SGCG: variants seen among roughly 807,000 people sequenced by gnomAD.
SGCG encodes gamma-sarcoglycan.
SGCG carries 26 observed loss-of-function variants against 29.3 expected under a neutral mutation model. The ratio of observed to expected loss-of-function variants is 0.89; its 90% CI spans 0.65 to 1.23. SGCG has a LOEUF of 1.23. Among genes scored for constraint, SGCG ranks in the 50% most tolerant of loss-of-function variants. SGCG has a pLI of 0.00. For synonymous variants in SGCG, 145 were observed against 129.7 expected, an observed-to-expected ratio of 1.12 and a Z score of -0.80; for missense variants, 353 against 356.0, an observed-to-expected ratio of 0.99 and a Z score of 0.07.
intron 6 of SGCG, among the ~76,000 whole-genome samples, chr13:23,304,212 C>G (rs1267685814): frequency 6.6e-6 from 1 of 152,034 alleles, no homozygotes; most frequent in Non-Finnish European, 1.5e-5. Context: ...GTACTTTATG[C>G]TGTGCAAACT....
At chr13:23,188,509 G>A (rs1877097752) in intron 1 of SGCG, among the ~76,000 whole-genome samples, 1 of 135,456 alleles carries the variant, frequency 7.4e-6, no homozygotes, top group Non-Finnish European at 1.6e-5. Flanking sequence ...TTTTGGGACA[G>A]GTATTCACCA....
At chr13:23,255,193 A>T (rs1018782754) in intron 4 of SGCG, among the ~76,000 whole-genome samples, 1 of 152,114 alleles carries the variant, frequency 6.6e-6, no homozygotes, top group Non-Finnish European at 1.5e-5. Context: ...CTCAACTCCA[A>T]CCCATGAGAG....
At chr13:23,307,006 A>G (rs1371213669) in intron 6 of SGCG, among the ~76,000 whole-genome samples, 2 of 152,216 alleles carry the variant, frequency 1.3e-5, no homozygotes, top group African/African-American at 4.8e-5. Flanking sequence ...TTCAAGAAGG[A>G]CTTACAAATA....
chr13:23,185,799 C>A (rs1876947692), intron 1 of SGCG, among the ~76,000 whole-genome samples: 1 of 152,190 alleles, frequency 6.6e-6, no homozygotes, highest in Admixed American at 6.5e-5. Flanking sequence ...ATGGGCGAGG[C>A]AGCTTAGTGC....
At chr13:23,173,590 A>T in the SGCG span, among the ~76,000 whole-genome samples, 1 of 152,142 alleles carries the variant, frequency 6.6e-6, no homozygotes, top group African/African-American at 2.4e-5. Flanking sequence ...ACTTTATGTC[A>T]TCTATTATTA....
intron 2 of SGCG, among the ~76,000 whole-genome samples, chr13:23,215,780 T>A (rs1878402454): frequency 6.7e-6 from 1 of 150,302 alleles, no homozygotes; most frequent in Non-Finnish European, 1.5e-5. Flanking sequence ...TAGTAGGTGT[T>A]AATAGAGTAA....
At chr13:23,312,082 T>C (rs1882621289) in intron 6 of SGCG, among the ~76,000 whole-genome samples, 1 of 152,250 alleles carries the variant, frequency 6.6e-6, no homozygotes, top group South Asian at 2.1e-4. Context: ...CTGCGGACTC[T>C]AGCTTCTTCT....
chr13:23,234,529 T>C (rs1879233797), intron 2 of SGCG, 82 bp from the exon 3 acceptor site: 2 of 929,606 alleles, frequency 2.2e-6, no homozygotes, highest in East Asian at 2.4e-5. Flanking sequence ...TGGAAATACA[T>C]GTGTGATTTA....
chr13:23,193,175 AGATAG>A (rs2137483630), intron 1 of SGCG, among the ~76,000 whole-genome samples: 1 of 152,306 alleles, frequency 6.6e-6, no homozygotes, highest in South Asian at 2.1e-4. Context: ...AAAGACTATA[AGATAG>A]GAGAAAGTTT....
chr13:23,186,494 G>A (rs942888127), intron 1 of SGCG, among the ~76,000 whole-genome samples: 2 of 152,168 alleles, frequency 1.3e-5, no homozygotes, highest in African/African-American at 4.8e-5. Flanking sequence ...AGAGCCCATG[G>A]TAATGGGGAT....
chr13:23,257,029 C>T (rs536930136), intron 4 of SGCG, among the ~76,000 whole-genome samples: 1 of 152,310 alleles, frequency 6.6e-6, no homozygotes, highest in East Asian at 1.9e-4. Flanking sequence ...TCCACATCCT[C>T]TCCAGTACCT....
chr13:23,197,297 TG>T (rs1361804537), intron 1 of SGCG, among the ~76,000 whole-genome samples: 1 of 152,204 alleles, frequency 6.6e-6, no homozygotes, highest in Non-Finnish European at 1.5e-5. Context: ...ACTTCTCACG[TG>T]GGTTACCTTG....
chr13:23,238,957 G>C (rs1432892393), intron 3 of SGCG, among the ~76,000 whole-genome samples: 1 of 152,052 alleles, frequency 6.6e-6, no homozygotes, highest in Non-Finnish European at 1.5e-5. Flanking sequence ...GAAAGCAACA[G>C]AGTATCAGTA....
chr13:23,163,602 A>G, the SGCG span, among the ~76,000 whole-genome samples: 1 of 152,210 alleles, frequency 6.6e-6, no homozygotes, highest in Non-Finnish European at 1.5e-5. Context: ...ATCAAAGTAT[A>G]GCTACATCAG....
chr13:23,293,770 G>A, intron 5 of SGCG, among the ~76,000 whole-genome samples: 1 of 151,730 alleles, frequency 6.6e-6, no homozygotes, highest in Non-Finnish European at 1.5e-5. Flanking sequence ...GGCGGAGATT[G>A]CAGTGAGCGG....
chr13:23,250,864 C>A lies in SGCG; in HGVS notation c.385+147C>A, dbSNP rs113882306. The stretch of plus-strand genomic sequence containing the variant: ...AATATCATGCTGTGTTGACCACAGA[C>A]TAGCACCACAGAGTGGGGTGGGGGG... On this transcript the variant is annotated intron_variant, in intron 4 of 7. Coordinates refer to ENST00000218867, the MANE Select transcript of SGCG (RefSeq NM_000231.3). The A allele has an allele frequency of 0.055, 38,366 of 703,356 alleles. 1,283 individuals carry two copies. The highest frequency in any genetic ancestry group is 0.074 in the South Asian group (4,934 of 66,524). The allele number at this position is 703,356 out of a possible 1,614,324, so 43.6% of individuals were successfully genotyped here.
At position 23,280,382 on chromosome 13, in the gene SGCG, A is replaced by G. The variant is rs148543546; in HGVS notation, c.505+904A>G. Among the ~76,000 whole-genome samples, 228 of 152,312 alleles carry G rather than the reference A, an allele frequency of 1.5e-3. 1 individual carries two copies. The Middle Eastern group carries it at 0.017, about 11-fold the overall frequency. ...TAGCAATGTTATTGTCTCACACAAT[A>G]CTACCAATACTCCCAAATGAAAAAG... is the stretch of plus-strand genomic sequence containing the variant. On this transcript the variant is annotated intron_variant, in intron 5 of 7. Coordinates refer to ENST00000218867, the MANE Select transcript of SGCG (RefSeq NM_000231.3).
intron 4 of SGCG, among the ~76,000 whole-genome samples, chr13:23,274,936 T>G (rs560540080): frequency 1.3e-5 from 2 of 152,006 alleles, no homozygotes; most frequent in Non-Finnish European, 2.9e-5. Context: ...GATTCACTAA[T>G]TGAAATTAGA....
At chr13:23,185,914 G>A (rs951357768) in intron 1 of SGCG, among the ~76,000 whole-genome samples, 1 of 152,156 alleles carries the variant, frequency 6.6e-6, no homozygotes, top group African/African-American at 2.4e-5. Flanking sequence ...TCCACCCCTC[G>A]CATCACTCAG....
Sources: allele counts gnomAD v4.1 joint callset (sites outside exome capture counted in the v4.1 genomes callset), GRCh38; gene constraint gnomAD v4.1.1; transcripts MANE v1.5; gene names NCBI Gene and HGNC (gene_info 2026-07-23, HGNC 2026-07-21).